Variants in SND1 observed in about 807,000 individuals in gnomAD.
SND1 encodes the protein staphylococcal nuclease and tudor domain containing 1.
A neutral mutation model predicts 121.7 loss-of-function variants in SND1; 38 were observed. The ratio of observed to expected loss-of-function variants is 0.31; its 90% CI spans 0.24 to 0.41. The LOEUF (loss-of-function observed/expected upper bound fraction) is 0.41. Among genes scored for constraint, SND1 ranks in the 10% least tolerant of loss-of-function variants. SND1 has a pLI of 1.00. For missense variants in SND1, 868 were observed against 1,184.6 expected, an observed-to-expected ratio of 0.73 and a Z score of 3.92; for synonymous variants, 401 against 447.4, an observed-to-expected ratio of 0.90 and a Z score of 1.31.
intron 11 of SND1, among the ~76,000 whole-genome samples, chr7:127,822,594 T>C (rs1283243650): frequency 6.6e-6 from 1 of 152,192 alleles, no homozygotes; most frequent in African/African-American, 2.4e-5. Flanking sequence ...AAAATGTTTT[T>C]TGAAAAAAAG....
rs1193101663 is a variant in SND1, at chr7:127,721,287, G to A, written c.1039G>A (p.Val347Met). 2 of 1,611,504 alleles carry A rather than the reference G, an allele frequency of 1.2e-6. No homozygotes were observed. ...TAAGCATGTTCCTTTTTGCTCACAG[G>A]TGATGCAGGTTCTGAATGCTGATGC... ...DQKDKQFVAK[V>M]MQVLNADAIV... The change falls in exon 10 of 24, where the codon GTG (valine) becomes ATG (methionine). Residue 347 changes from valine to methionine, a missense_variant and splice_region_variant. Val to Met is a conservative substitution (Grantham distance 21, BLOSUM62 1). Transcript: ENST00000354725.
intron 3 of SND1, among the ~76,000 whole-genome samples, chr7:127,696,669 A>G (rs1796011294): frequency 6.6e-6 from 1 of 152,216 alleles, no homozygotes; most frequent in Non-Finnish European, 1.5e-5. Context: ...CACCCCTAAG[A>G]GTTCATTTTA....
At chr7:127,713,346 A>AAAGCACC (rs1796329398) in intron 9 of SND1, among the ~76,000 whole-genome samples, 1 of 152,280 alleles carries the variant, frequency 6.6e-6, no homozygotes, top group Admixed American at 6.5e-5. Flanking sequence ...ATTACTTTTC[A>AAAGCACC]TAACCTGGAA....
chr7:127,801,657 A>G (rs1347475173), intron 10 of SND1, among the ~76,000 whole-genome samples: 1 of 152,068 alleles, frequency 6.6e-6, no homozygotes, highest in Non-Finnish European at 1.5e-5. Flanking sequence ...TTATTTCTCC[A>G]ATCTGAAATC....
intron 12 of SND1, among the ~76,000 whole-genome samples, chr7:127,882,384 A>AAGGG (rs1326253900): frequency 1.8e-4 from 20 of 109,184 alleles, no homozygotes; most frequent in African/African-American, 3.5e-4. Context: ...GGGAGGGAGG[A>AAGGG]AGGGAGGGAG....
At chr7:127,712,385 C>G (rs193165127) in intron 9 of SND1, among the ~76,000 whole-genome samples, 12 of 152,258 alleles carry the variant, frequency 7.9e-5, no homozygotes, top group Admixed American at 7.9e-4. Flanking sequence ...TCTTGAACTC[C>G]TGGGCTCAAG....
intron 16 of SND1, among the ~76,000 whole-genome samples, chr7:128,039,751 A>G (rs1001284631): frequency 6.6e-6 from 1 of 152,094 alleles, no homozygotes; most frequent in Non-Finnish European, 1.5e-5. Context: ...CTCCAAAGGG[A>G]GTGGGGGCTG....
intron 1 of SND1, among the ~76,000 whole-genome samples, chr7:127,667,425 A>G (rs538449480): frequency 3.9e-5 from 6 of 152,250 alleles, no homozygotes; most frequent in African/African-American, 1.4e-4. Context: ...TTATGATTTG[A>G]TATTTTGTAC....
intron 10 of SND1, among the ~76,000 whole-genome samples, chr7:127,779,478 G>T (rs1465377215): frequency 6.6e-6 from 1 of 152,086 alleles, no homozygotes; most frequent in Non-Finnish European, 1.5e-5. Flanking sequence ...ATCTCATTTC[G>T]TAGAGACAAT....
At chr7:127,870,007 G>A (rs999484686) in intron 12 of SND1, among the ~76,000 whole-genome samples, 3 of 152,172 alleles carry the variant, frequency 2.0e-5, no homozygotes, top group African/African-American at 7.2e-5. Context: ...ATCTGTGTGT[G>A]AATGTAGGAG....
intron 2 of SND1, among the ~76,000 whole-genome samples, chr7:127,689,127 G>A (rs747361936): frequency 3.3e-5 from 5 of 152,176 alleles, no homozygotes; most frequent in Non-Finnish European, 2.9e-5. Flanking sequence ...CCTCAGGGTC[G>A]TTTAATGAAG....
chr7:127,797,573 G>A lies in SND1; in HGVS notation c.1153-9911G>A, dbSNP rs558986022. ...TCGGGGGTGGGAAATGTTTGTGTCC[G>A]GTTACATGTTGGAAGCCATGCCTGC... On this transcript the variant is annotated intron_variant, in intron 10 of 23. Transcript: ENST00000354725. 7.9e-5 allele frequency among the ~76,000 whole-genome samples: 12 copies of A among 152,290 alleles called. No individual in the cohort carries two copies. The East Asian group carries it at 1.7e-3, about 22-fold the overall frequency.
chr7:127,782,322 A>C, intron 10 of SND1, among the ~76,000 whole-genome samples: 1 of 152,230 alleles, frequency 6.6e-6, no homozygotes, highest in East Asian at 1.9e-4. Context: ...TCTGTGATAT[A>C]TGTGCATGAG....
chr7:128,077,334 G>A (rs970487476), intron 17 of SND1, among the ~76,000 whole-genome samples: 8 of 152,236 alleles, frequency 5.3e-5, no homozygotes, highest in Admixed American at 3.9e-4. Context: ...AGAGAGCCAG[G>A]GCAGGGAGAG....
At chr7:127,671,934 A>C (rs941967771) in intron 1 of SND1, among the ~76,000 whole-genome samples, 1 of 152,230 alleles carries the variant, frequency 6.6e-6, no homozygotes, top group African/African-American at 2.4e-5. Flanking sequence ...CATTAAATAG[A>C]CCACATAAAG....
chr7:127,711,866 C>T (rs1796303954), intron 9 of SND1, among the ~76,000 whole-genome samples: 1 of 150,926 alleles, frequency 6.6e-6, no homozygotes, highest in Admixed American at 6.6e-5. Context: ...CTGCATGTTT[C>T]TCTTTTACTA....
chr7:127,744,945 A>C (rs914620866), intron 10 of SND1, among the ~76,000 whole-genome samples: 5 of 152,254 alleles, frequency 3.3e-5, no homozygotes, highest in Non-Finnish European at 5.9e-5. Context: ...CAAATTACAT[A>C]ATGCCTGAGC....
chr7:127,900,006 CG>C (rs1215948087), intron 13 of SND1, among the ~76,000 whole-genome samples: 1 of 152,128 alleles, frequency 6.6e-6, no homozygotes, highest in African/African-American at 2.4e-5. Flanking sequence ...CTCCTTTCCC[CG>C]TCATCTCCCT....
rs779987507 is a variant in SND1 at position 127,652,410 on chromosome 7, G to A, written c.37G>A (p.Gly13Arg). 4.5e-6 allele frequency: 7 copies of A among 1,569,916 alleles called. No individual in the cohort carries two copies. The highest frequency in any genetic ancestry group is 1.2e-5 in the South Asian group (1 of 82,800). Residue 13 changes from glycine to arginine, a missense_variant, in exon 1 of 24, where the codon GGA (glycine) becomes AGA (arginine). Gly to Arg is a moderately radical substitution (Grantham distance 125). This residue lies in a region of SND1 where 125 missense variants were observed against 113.3 expected (regional missense o/e 1.10). Transcript: ENST00000354725. The part of the protein sequence containing the change: ...SSAQSGGSSG[G>R]PAVPTVQRGI... ...CGCGCAGAGCGGCGGCTCCTCCGGG[G>A]GACCCGCGGTCCCCACCGTGCAGCG...
Sources: gnomAD v4.1 joint callset for allele counts (sites outside exome capture counted in the v4.1 genomes callset) on GRCh38, gnomAD v4.1.1 for gene constraint, gnomAD v4.1.1 regional missense constraint, MANE v1.5 for transcripts, NCBI Gene and HGNC (gene_info 2026-07-23, HGNC 2026-07-21) for gene names.